USP34: variants seen among roughly 807,000 people sequenced by gnomAD.
USP34 encodes the protein ubiquitin specific peptidase 34.
USP34 carries 70 observed loss-of-function variants against 460.3 expected under a neutral mutation model. The ratio of observed to expected loss-of-function variants is 0.15; its 90% CI spans 0.13 to 0.19. The LOEUF (loss-of-function observed/expected upper bound fraction) is 0.19, where lower values mean the gene tolerates loss of function less well. Ranked by LOEUF, USP34 falls within the 10% of genes least tolerant of loss-of-function variation. The probability of loss-of-function intolerance (pLI) is 1.00; values close to 1 mark genes in which losing one functional copy is unlikely to be tolerated. For missense variants in USP34, 3,985 were observed against 4,236.2 expected, an observed-to-expected ratio of 0.94 and a Z score of 1.65; for synonymous variants, 1,647 against 1,405.3, an observed-to-expected ratio of 1.17 and a Z score of -3.85.
chr2:61,375,119 A>C (rs1409078611), intron 8 of USP34, among the ~76,000 whole-genome samples: 1 of 152,216 alleles, frequency 6.6e-6, no homozygotes, highest in Non-Finnish European at 1.5e-5. Context: ...GAATGAAGAA[A>C]CATTATGGCA....
chr2:61,298,565 A>AAAAAAAAAAAAAAAAAAAAAC, intron 29 of USP34, among the ~76,000 whole-genome samples: 1 of 146,954 alleles, frequency 6.8e-6, no homozygotes, highest in Non-Finnish European at 1.5e-5. Flanking sequence ...AAAAAAAAAA[A>AAAAAAAAAAAAAAAAAAAAAC]AAAAAAATCT....
In USP34 at chr2:61,327,617, A is replaced by G. The variant is rs1026506227; in HGVS notation, c.2931-2160T>C. Reference sequence around the variant, plus strand: ...TTTACTAAGTGCCTTTACATCTGAAATAATTCTTCCCCTATACTTGCATCT... The same window carrying G: ...TTTACTAAGTGCCTTTACATCTGAAGTAATTCTTCCCCTATACTTGCATCT... On this transcript the variant is annotated intron_variant, in intron 20 of 79. Transcript: ENST00000398571. Among the ~76,000 whole-genome samples, 5 of 152,216 alleles carry G rather than the reference A, an allele frequency of 3.3e-5. No homozygotes were observed. The South Asian group carries it at 8.3e-4, about 25-fold the overall frequency.
intron 21 of USP34, among the ~76,000 whole-genome samples, chr2:61,320,948 T>C (rs1265521904): frequency 6.6e-6 from 1 of 152,000 alleles, no homozygotes; most frequent in African/African-American, 2.4e-5. Context: ...AGGTGGAGGT[T>C]GCAGTGAGCT....
At position 61,367,967 on chromosome 2, in the gene USP34, A is replaced by T. The variant is rs74967605; in HGVS notation, c.1251+2354T>A. ...GACTAGTCGTCTCAGGCATTTAAAAATATTACAAAGAGGCAAGTAAAAATA... is the reference window on the plus strand; with the variant it reads ...GACTAGTCGTCTCAGGCATTTAAAATTATTACAAAGAGGCAAGTAAAAATA... On this transcript the variant is annotated intron_variant, in intron 10 of 79. Transcript: ENST00000398571. Among the ~76,000 whole-genome samples the T allele has an allele frequency of 4.8e-3, 726 of 152,350 alleles. 5 individuals carry two copies. Among genetic ancestry groups the T allele is most frequent in the African/African-American group, 0.016 (658 of 41,586 alleles).
chr2:61,283,037 T>C lies in USP34; in HGVS notation c.4998+108A>G, dbSNP rs565711526. 38 of 1,158,896 alleles carry C rather than the reference T, an allele frequency of 3.3e-5. 1 individual carries two copies. In the South Asian group the frequency reaches 5.7e-4, roughly 17 times the overall value. 71.8% of individuals were successfully genotyped at this position (1,158,896 alleles called of 1,614,324 possible). On this transcript the variant is annotated intron_variant, in intron 37 of 79. Transcript: ENST00000398571. Reference sequence around the variant, plus strand: ...AAAGGATTAAGCAGATAATGTGATATATTTATGGACTCACGCATATTTGTT... The same window carrying C: ...AAAGGATTAAGCAGATAATGTGATACATTTATGGACTCACGCATATTTGTT...
intron 1 of USP34, among the ~76,000 whole-genome samples, chr2:61,421,754 T>C (rs575499072): frequency 6.6e-6 from 1 of 151,508 alleles, no homozygotes; most frequent in South Asian, 2.1e-4. Flanking sequence ...CAAATATATA[T>C]GAGGTTAGTT....
intron 1 of USP34, among the ~76,000 whole-genome samples, chr2:61,427,240 G>A (rs983442047): frequency 4.6e-5 from 7 of 152,188 alleles, no homozygotes; most frequent in Non-Finnish European, 4.4e-5. Flanking sequence ...ATGTTAGCCA[G>A]GATAGTCTCG....
intron 68 of USP34, among the ~76,000 whole-genome samples, chr2:61,212,391 C>T (rs1413521979): frequency 6.6e-6 from 1 of 152,180 alleles, no homozygotes; most frequent in Non-Finnish European, 1.5e-5. Context: ...CATCTCCTAT[C>T]CACTTTTTCT....
At chr2:61,274,808 T>C (rs538985281) in intron 41 of USP34, among the ~76,000 whole-genome samples, 63 of 152,340 alleles carry the variant, frequency 4.1e-4, no homozygotes, top group African/African-American at 1.5e-3. Flanking sequence ...GTTTTTAACA[T>C]AACCAAAACT....
chr2:61,308,107 A>G (rs1690470921), intron 27 of USP34, among the ~76,000 whole-genome samples: 1 of 152,144 alleles, frequency 6.6e-6, no homozygotes. Flanking sequence ...GAAACAAAAT[A>G]GAAACTCAGA....
At chr2:61,342,973 A>G (rs1448881897) in intron 16 of USP34, among the ~76,000 whole-genome samples, 2 of 152,238 alleles carry the variant, frequency 1.3e-5, no homozygotes, top group Non-Finnish European at 2.9e-5. Context: ...CAACAATAAA[A>G]TAAGTCAAAG....
chr2:61,397,921 A>G (rs142033886), intron 3 of USP34, among the ~76,000 whole-genome samples: 102 of 150,652 alleles, frequency 6.8e-4, no homozygotes, highest in African/African-American at 2.2e-3. Context: ...AAAGAAATTA[A>G]CCAGGGGTGA....
At chr2:61,438,310 T>C (rs1243302006) in intron 1 of USP34, among the ~76,000 whole-genome samples, 1 of 151,980 alleles carries the variant, frequency 6.6e-6, no homozygotes, top group Admixed American at 6.6e-5. Flanking sequence ...CATCCATTCG[T>C]GATTAAAAAA....
chr2:61,313,075 A>C (rs1037180595), intron 25 of USP34, among the ~76,000 whole-genome samples: 2 of 151,886 alleles, frequency 1.3e-5, no homozygotes, highest in Non-Finnish European at 2.9e-5. Context: ...ATACCTAAGT[A>C]AATTTTTTTT....
intron 1 of USP34, among the ~76,000 whole-genome samples, chr2:61,431,775 A>G (rs956403182): frequency 2.0e-5 from 3 of 151,914 alleles, no homozygotes; most frequent in Non-Finnish European, 4.4e-5. Flanking sequence ...AATCACTTGA[A>G]CCCGGGAGGC....
chr2:61,337,830 G>C (rs1331511431), intron 18 of USP34, among the ~76,000 whole-genome samples: 3 of 152,066 alleles, frequency 2.0e-5, no homozygotes, highest in Non-Finnish European at 2.9e-5. Flanking sequence ...TATTTTGTTA[G>C]GCATATACTT....
intron 7 of USP34, among the ~76,000 whole-genome samples, chr2:61,378,935 A>AAAAC (rs1692885394): frequency 2.1e-5 from 3 of 146,114 alleles, no homozygotes; most frequent in African/African-American, 7.5e-5. Flanking sequence ...AAAAAAAAAA[A>AAAAC]AACAACACTA....
At chr2:61,195,197 G>T (rs1686762264) in intron 75 of USP34, among the ~76,000 whole-genome samples, 1 of 152,042 alleles carries the variant, frequency 6.6e-6, no homozygotes, top group African/African-American at 2.4e-5. Flanking sequence ...TCCAGTCTGG[G>T]TGACAGAGCA....
chr2:61,284,528 T>A (rs904080273), intron 35 of USP34, among the ~76,000 whole-genome samples: 5 of 152,150 alleles, frequency 3.3e-5, no homozygotes, highest in African/African-American at 1.2e-4. Flanking sequence ...AGATAACATA[T>A]CAATGTTAAA....
Sources: gnomAD v4.1 joint callset for allele counts (sites outside exome capture counted in the v4.1 genomes callset) on GRCh38, gnomAD v4.1.1 for gene constraint, MANE v1.5 for transcripts, NCBI Gene and HGNC (gene_info 2026-07-23, HGNC 2026-07-21) for gene names.